TOMM20: variants seen among roughly 807,000 people sequenced by gnomAD.
TOMM20 encodes the protein translocase of outer mitochondrial membrane 20.
In TOMM20, 10 loss-of-function variants were observed where a neutral mutation model predicts 22.1. The observed-to-expected ratio is 0.45, with a 90% confidence interval of 0.28 to 0.77. The LOEUF is 0.77. Ranked by LOEUF, TOMM20 falls within the 30% of genes least tolerant of loss-of-function variation. The pLI is 0.13. For synonymous variants in TOMM20, 55 were observed against 61.4 expected, an observed-to-expected ratio of 0.90 and a Z score of 0.49; for missense variants, 121 against 172.2, an observed-to-expected ratio of 0.70 and a Z score of 1.66.
At chr1:235,114,327 T>C (rs573090839) in intron 3 of TOMM20, among the ~76,000 whole-genome samples, 3 of 151,542 alleles carry the variant, frequency 2.0e-5, no homozygotes, top group Admixed American at 6.6e-5. Flanking sequence ...TGGTATCGCA[T>C]GGGAAGAAAA....
At chr1:235,124,112 C>G (rs1406643165) in intron 1 of TOMM20, among the ~76,000 whole-genome samples, 1 of 152,238 alleles carries the variant, frequency 6.6e-6, no homozygotes, top group East Asian at 1.9e-4. Flanking sequence ...TTTGGGAGGC[C>G]AAGGCGGGCG....
At chr1:235,128,369 T>TA (rs1221099111) in intron 1 of TOMM20, among the ~76,000 whole-genome samples, 5 of 152,084 alleles carry the variant, frequency 3.3e-5, no homozygotes. Flanking sequence ...TTTGCACGGC[T>TA]AAAGTGTCTG....
chr1:235,113,685 T>A, intron 4 of TOMM20, 83 bp downstream of exon 4: 1 of 1,485,768 alleles, frequency 6.7e-7, no homozygotes, highest in Non-Finnish European at 9.1e-7. Context: ...TTCATCATGT[T>A]CACTAGGCTC....
chr1:235,114,439 C>CTTTT (rs67573955), intron 3 of TOMM20, among the ~76,000 whole-genome samples: 1 of 131,602 alleles, frequency 7.6e-6, no homozygotes, highest in Non-Finnish European at 1.6e-5. Flanking sequence ...CTTATTTTTT[C>CTTTT]TTTTTTTTTT....
chr1:235,128,510 A>G, intron 1 of TOMM20, 85 bp downstream of exon 1: 1 of 1,593,834 alleles, frequency 6.3e-7, no homozygotes, highest in Non-Finnish European at 8.6e-7. Flanking sequence ...CGCGGCCCAC[A>G]GGCTGGTGGG....
intron 1 of TOMM20, chr1:235,127,866 C>T (rs1423510110): frequency 2.1e-5 from 11 of 519,036 alleles, no homozygotes; most frequent in Non-Finnish European, 3.5e-5. Flanking sequence ...GACTCCCCTG[C>T]AATTTCTATA....
chr1:235,114,956 A>G (rs1660806147), intron 3 of TOMM20, among the ~76,000 whole-genome samples: 1 of 151,670 alleles, frequency 6.6e-6, no homozygotes, highest in South Asian at 2.1e-4. Context: ...TGCAGCCTCA[A>G]CCTCCTGGGC....
At chr1:235,127,922 G>C in intron 1 of TOMM20, 2 of 518,998 alleles carry the variant, frequency 3.9e-6, no homozygotes, top group Non-Finnish European at 7.7e-6. Flanking sequence ...GCTACCAAGA[G>C]GGTTTAAGAA....
chr1:235,119,748 C>A (rs1660899214), intron 3 of TOMM20, 70 bp downstream of exon 3: 1 of 1,064,464 alleles, frequency 9.4e-7, no homozygotes, highest in Non-Finnish European at 1.4e-6. Context: ...AAACAAAGCC[C>A]CTTATCATTA....
intron 1 of TOMM20, 71 bp from the exon 2 acceptor site, chr1:235,122,443 T>C (rs1660944793): frequency 1.4e-6 from 2 of 1,399,442 alleles, no homozygotes; most frequent in East Asian, 2.3e-5. Context: ...TTCTAACTGC[T>C]GTGGCAGTCA....
chr1:235,122,583 C>T (rs1041159631), intron 1 of TOMM20: 2 of 404,232 alleles, frequency 4.9e-6, no homozygotes, highest in South Asian at 9.6e-5. Flanking sequence ...TTCTCCTTCC[C>T]TTTGGGGCAG....
At chr1:235,118,658 T>C (rs1030563348) in intron 3 of TOMM20, among the ~76,000 whole-genome samples, 1 of 152,170 alleles carries the variant, frequency 6.6e-6, no homozygotes, top group Non-Finnish European at 1.5e-5. Flanking sequence ...TCTGAGTAGC[T>C]GGCTACAGGT....
chr1:235,122,624 C>T (rs1053608501), intron 1 of TOMM20, among the ~76,000 whole-genome samples: 2 of 152,212 alleles, frequency 1.3e-5, no homozygotes, highest in Admixed American at 1.3e-4. Flanking sequence ...ATGGAGATAG[C>T]TCCAATAGCT....
chr1:235,125,800 A>G (rs1172564904), intron 1 of TOMM20, among the ~76,000 whole-genome samples: 11 of 149,936 alleles, frequency 7.3e-5, no homozygotes, highest in African/African-American at 2.7e-4. Context: ...CCCAGGCTGG[A>G]GTGCAGTGGC....
intron 3 of TOMM20, among the ~76,000 whole-genome samples, chr1:235,117,441 TG>T (rs1475673509): frequency 2.1e-5 from 3 of 146,232 alleles, no homozygotes; most frequent in African/African-American, 7.6e-5. Context: ...CACTGCACTC[TG>T]GGTGACAGAG....
At chr1:235,116,950 A>G (rs1293600117) in intron 3 of TOMM20, among the ~76,000 whole-genome samples, 2 of 150,778 alleles carry the variant, frequency 1.3e-5, no homozygotes, top group Non-Finnish European at 1.5e-5. Flanking sequence ...CCTGGCTAAC[A>G]TGGTGAAACC....
At position 235,112,052 on chromosome 1, in the gene TOMM20, G is replaced by C; in HGVS notation, c.*12C>G. On this transcript the variant is annotated 3_prime_UTR_variant, in exon 5 of 5. Transcript: ENST00000366607. The stretch of plus-strand genomic sequence containing the variant: ...TTTTTAACTGAGATTTTATTATGTT[G>C]ACATTTGTTTCTCATTCCACATCAT... The C allele has an allele frequency of 6.2e-7, 1 of 1,604,110 alleles. No individual in the cohort carries two copies. The highest frequency in any genetic ancestry group is 8.5e-7 in the Non-Finnish European group (1 of 1,175,350).
In TOMM20 at chr1:235,111,228, C is replaced by T. The variant is rs985502945; in HGVS notation, c.*836G>A. 1 of 152,090 alleles carries T rather than the reference C, an allele frequency of 6.6e-6. No homozygotes were observed. The highest frequency in any genetic ancestry group is 1.5e-5 in the Non-Finnish European group (1 of 68,026). The allele number at this position is 152,090 out of a possible 1,614,324, so 9.4% of individuals were successfully genotyped here. On this transcript the variant is annotated 3_prime_UTR_variant, in exon 5 of 5. Transcript: ENST00000366607. Reference sequence around the variant, plus strand: ...TAAAAAAATGCAGGGCCTGGTTGCCCACATACATTCCTCAGGTTAAGGTGG... The same window carrying T: ...TAAAAAAATGCAGGGCCTGGTTGCCTACATACATTCCTCAGGTTAAGGTGG...
chr1:235,126,801 C>T (rs1480171816), intron 1 of TOMM20, among the ~76,000 whole-genome samples: 1 of 151,998 alleles, frequency 6.6e-6, no homozygotes, highest in African/African-American at 2.4e-5. Context: ...CTCAAACAAA[C>T]AAACAACAAC....
Sources: allele counts gnomAD v4.1 joint callset (sites outside exome capture counted in the v4.1 genomes callset), GRCh38; gene constraint gnomAD v4.1.1; transcripts MANE v1.5; gene names NCBI Gene and HGNC (gene_info 2026-07-23, HGNC 2026-07-21).